The following ZNF793 variants were observed in gnomAD, a reference collection of about 807,000 sequenced individuals.
The protein encoded by ZNF793 is zinc finger protein 793.
ZNF793 carries 5 observed loss-of-function variants against 12.4 expected under a neutral mutation model. The observed-to-expected ratio is 0.40, with a 90% CI of 0.21 to 0.84. The LOEUF (loss-of-function observed/expected upper bound fraction) is 0.84, where lower values mean the gene tolerates loss of function less well. Among genes scored for constraint, ZNF793 ranks in the 40% least tolerant of loss-of-function variants. The pLI, the probability that ZNF793 is intolerant of heterozygous loss-of-function variation, is 0.35. For synonymous variants in ZNF793, 162 were observed against 172.4 expected (o/e 0.94, Z 0.47); for missense variants, 456 against 495.0 (o/e 0.92, Z 0.75).
intron 2 of ZNF793, among the ~76,000 whole-genome samples, chr19:37,515,369 G>A (rs8107840): frequency 1.3e-5 from 2 of 150,900 alleles, no homozygotes; most frequent in South Asian, 2.1e-4. Context: ...GTGCAGTGGC[G>A]CAATCTCAGC....
rs201114648 is a variant in ZNF793 at position 37,541,197 on chromosome 19, G to A, written c.*3318G>A. 4 of 144,494 alleles carry A rather than the reference G, an allele frequency of 2.8e-5. No homozygotes were observed. Among genetic ancestry groups the A allele is most frequent in the Non-Finnish European group, 6.1e-5 (4 of 65,612 alleles). 9.0% of individuals were successfully genotyped at this position (144,494 alleles called of 1,614,324 possible). Reference sequence around the variant, plus strand: ...TTTACTTAAAAAGAATTCTGGAACAGAACCTTTTAATCTTAAAGGAAGAAA... The same window carrying A: ...TTTACTTAAAAAGAATTCTGGAACAAAACCTTTTAATCTTAAAGGAAGAAA... On this transcript the variant is annotated 3_prime_UTR_variant, in exon 8 of 8. Coordinates refer to ENST00000627814, the MANE Select transcript of ZNF793 (RefSeq NM_001013659.3).
intron 7 of ZNF793, chr19:37,536,246 C>T (rs1247366083): frequency 1.0e-5 from 4 of 391,328 alleles, no homozygotes; most frequent in Admixed American, 8.9e-5. Context: ...ATGATATTCC[C>T]TTGGATGACT....
Position 37,537,519 on chromosome 19 carries a change from T to C in ZNF793, c.861T>C (p.Phe287=), listed in dbSNP as rs1471047626. 3 of 1,614,098 alleles carry C rather than the reference T, an allele frequency of 1.9e-6. No homozygotes were observed. Among genetic ancestry groups the C allele is most frequent in the Middle Eastern group, 1.6e-4 (1 of 6,062 alleles). ...GGGTAAGACCCTTTGAATGTTTTTT[T>C]TGTGGGAAAGCCTTTACCCAGAAGT... The part of the protein sequence containing the change: ...HTGVRPFECF[F]CGKAFTQKSH... The change falls in exon 8 of 8, where the codon TTT becomes TTC. Residue 287 remains phenylalanine, a synonymous_variant. Transcript: ENST00000627814.
At chr19:37,507,987 G>A (rs1015270700) in intron 1 of ZNF793, among the ~76,000 whole-genome samples, 6 of 152,102 alleles carry the variant, frequency 3.9e-5, no homozygotes, top group Non-Finnish European at 8.8e-5. Context: ...GGAGATTGGG[G>A]ATGGGAAAAT....
chr19:37,532,322 T>C lies in ZNF793; in HGVS notation c.16-34T>C, dbSNP rs188043792. 1.1e-4 allele frequency: 179 copies of C among 1,599,226 alleles called. 2 individuals are homozygous for C. The East Asian group carries it at 3.5e-3, about 32-fold the overall frequency. ...CCTGGCCCTGCACAAACATTTTTTT[T>C]CGACATGACTCAATGTCATTTTTGT... On this transcript the variant is annotated intron_variant, in intron 5 of 7. Transcript: ENST00000627814.
intron 2 of ZNF793, among the ~76,000 whole-genome samples, chr19:37,518,720 G>T (rs2042352914): frequency 6.6e-6 from 1 of 150,618 alleles, no homozygotes; most frequent in Non-Finnish European, 1.5e-5. Context: ...GATCACCTGA[G>T]CCTGGGAGTT....
At chr19:37,530,630 C>T (rs901593298) in intron 5 of ZNF793, among the ~76,000 whole-genome samples, 15 of 151,952 alleles carry the variant, frequency 9.9e-5, no homozygotes, top group Non-Finnish European at 1.3e-4. Flanking sequence ...TCAGAGAGCA[C>T]GGGGTTGGGG....
intron 5 of ZNF793, among the ~76,000 whole-genome samples, chr19:37,524,694 C>T (rs980714281): frequency 6.6e-6 from 1 of 152,142 alleles, no homozygotes. Context: ...AGTGTGGTCC[C>T]GGGACCTGGG....
chr19:37,521,140 A>T (rs937758420), intron 3 of ZNF793, among the ~76,000 whole-genome samples: 3 of 151,916 alleles, frequency 2.0e-5, no homozygotes, highest in Admixed American at 2.0e-4. Context: ...GGTGTGTGCC[A>T]CCATGCCCGG....
Position 37,542,735 on chromosome 19 carries a change from G to T in ZNF793, c.*4856G>T. 1.2e-5 allele frequency: 2 copies of T among 169,018 alleles called. No homozygotes were observed. The highest frequency in any genetic ancestry group is 2.6e-5 in the Non-Finnish European group (2 of 77,268). 10.5% of individuals were successfully genotyped at this position (169,018 alleles called of 1,614,324 possible). ...ATGTTCTCTTGAGTGAAAAATGCAA[G>T]GTAGATATTAAGTATGTTAAATATG... is the stretch of plus-strand genomic sequence containing the variant. On this transcript the variant is annotated 3_prime_UTR_variant, in exon 8 of 8. Coordinates refer to ENST00000627814, the MANE Select transcript of ZNF793 (RefSeq NM_001013659.3).
chr19:37,510,829 T>C (rs2042288914), intron 2 of ZNF793, among the ~76,000 whole-genome samples: 1 of 151,790 alleles, frequency 6.6e-6, no homozygotes, highest in South Asian at 2.1e-4. Flanking sequence ...CCCGAGTAGC[T>C]GGGACTACAG....
chr19:37,525,796 G>T (rs913298289), intron 5 of ZNF793, among the ~76,000 whole-genome samples: 1 of 152,190 alleles, frequency 6.6e-6, no homozygotes, highest in African/African-American at 2.4e-5. Flanking sequence ...ATCCAAGGCA[G>T]CTGTAGCCTT....
intron 2 of ZNF793, among the ~76,000 whole-genome samples, chr19:37,518,435 C>G (rs1223119657): frequency 6.6e-6 from 1 of 151,956 alleles, no homozygotes; most frequent in Non-Finnish European, 1.5e-5. Flanking sequence ...GCCTCCACTA[C>G]TATTTCTAAT....
At chr19:37,512,568 C>T (rs1046690569) in intron 2 of ZNF793, among the ~76,000 whole-genome samples, 16 of 138,920 alleles carry the variant, frequency 1.2e-4, no homozygotes, top group African/African-American at 4.6e-4. Flanking sequence ...CCTGTTATAC[C>T]CTTCACCCCA....
rs377026448 is a variant in ZNF793 at position 37,532,323 on chromosome 19, C to T, written c.16-33C>T. On this transcript the variant is annotated intron_variant, in intron 5 of 7. Transcript: ENST00000627814. The stretch of plus-strand genomic sequence containing the variant: ...CTGGCCCTGCACAAACATTTTTTTT[C>T]GACATGACTCAATGTCATTTTTGTT... 1.0e-3 allele frequency: 1,613 copies of T among 1,597,624 alleles called. 5 individuals carry two copies. Among genetic ancestry groups the T allele is most frequent in the Non-Finnish European group, 1.3e-3 (1,470 of 1,171,526 alleles).
At chr19:37,536,323 G>A (rs999826575) in intron 7 of ZNF793, 1 of 397,186 alleles carries the variant, frequency 2.5e-6, no homozygotes, top group Non-Finnish European at 4.4e-6. Context: ...GAAATGCAGA[G>A]TCTGATTAAG....
At chr19:37,532,560 G>A (rs969715310) in intron 6 of ZNF793, 78 bp downstream of exon 6, 6 of 1,468,316 alleles carry the variant, frequency 4.1e-6, no homozygotes, top group Non-Finnish European at 5.4e-6. Context: ...AAAGCAACTG[G>A]AGTACTTTGG....
chr19:37,520,985 G>A (rs1395184315), intron 3 of ZNF793, among the ~76,000 whole-genome samples: 2 of 151,466 alleles, frequency 1.3e-5, no homozygotes, highest in Admixed American at 6.6e-5. Context: ...CACCATGCCC[G>A]GCTAATTTTT....
chr19:37,513,248 T>C (rs1184176805), intron 2 of ZNF793, among the ~76,000 whole-genome samples: 2 of 152,208 alleles, frequency 1.3e-5, no homozygotes, highest in East Asian at 3.8e-4. Flanking sequence ...AACCTCAAAC[T>C]TTCATCCACT....
Sources: gnomAD v4.1 joint callset for allele counts (sites outside exome capture counted in the v4.1 genomes callset) on GRCh38, gnomAD v4.1.1 for gene constraint, MANE v1.5 for transcripts, NCBI Gene and HGNC (gene_info 2026-07-23, HGNC 2026-07-21) for gene names.